Variants in IMMT observed in about 807,000 individuals in gnomAD.
The protein encoded by IMMT is inner membrane mitochondrial protein, also known as MICOS complex subunit MIC60.
Under a neutral mutation model 92.7 loss-of-function variants are expected in IMMT, and 40 were observed. That is an observed-to-expected ratio of 0.43 (90% confidence interval 0.34 to 0.56). IMMT has a LOEUF of 0.56. Among genes scored for constraint, IMMT ranks in the 20% least tolerant of loss-of-function variants. IMMT has a pLI of 0.03. For missense variants in IMMT, 831 were observed against 912.1 expected, an observed-to-expected ratio of 0.91 and a Z score of 1.14; for synonymous variants, 322 against 336.1, an observed-to-expected ratio of 0.96 and a Z score of 0.46.
At chr2:86,178,332 G>GA (rs58752645) in intron 3 of IMMT, among the ~76,000 whole-genome samples, 12,203 of 87,700 alleles carry the variant, frequency 0.14, 952 homozygotes, top group African/African-American at 0.28. Flanking sequence ...AAAAAAAAAA[G>GA]AAAAAAAAAA....
At chr2:86,174,657 G>C (rs963618836) in intron 3 of IMMT, among the ~76,000 whole-genome samples, 3 of 152,004 alleles carry the variant, frequency 2.0e-5, no homozygotes, top group Non-Finnish European at 4.4e-5. Flanking sequence ...AAAAGCTCTC[G>C]TATATACACA....
chr2:86,151,378 T>G lies in IMMT; in HGVS notation c.1320A>C (p.Glu440Asp). Residue 440 changes from glutamate to aspartate, a missense_variant, in exon 12 of 15, where the codon GAA (glutamate) becomes GAC (aspartate). Transcript: ENST00000410111. ...ITLALEKQKL[E>D]EKRAFDSAVA... Reference sequence around the variant, plus strand: ...CTGCAGAGTCAAATGCCCGCTTTTCTTCCAGCTTTTGTTTCTCCAAGGCTA... The same window carrying G: ...CTGCAGAGTCAAATGCCCGCTTTTCGTCCAGCTTTTGTTTCTCCAAGGCTA... 6.2e-7 allele frequency: 1 copy of G among 1,614,060 alleles called. No homozygotes were observed.
At chr2:86,157,932 G>C (rs981385050) in intron 10 of IMMT, among the ~76,000 whole-genome samples, 1 of 151,706 alleles carries the variant, frequency 6.6e-6, no homozygotes, top group South Asian at 2.1e-4. Flanking sequence ...TCCAGCCTGG[G>C]CAACGACAAA....
chr2:86,170,871 A>G (rs750856767), intron 5 of IMMT, 27 bp from the exon 6 acceptor site: 1 of 1,505,772 alleles, frequency 6.6e-7, no homozygotes, highest in South Asian at 1.2e-5. Flanking sequence ...ATAAGAGGAA[A>G]TCAAATTTCA....
At chr2:86,146,411 G>A (rs190140268) in intron 13 of IMMT, among the ~76,000 whole-genome samples, 1 of 142,400 alleles carries the variant, frequency 7.0e-6, no homozygotes, top group East Asian at 2.0e-4. Flanking sequence ...TTGCTTTATT[G>A]CCAGGTTGGA....
chr2:86,154,546 T>C (rs1326870325), intron 10 of IMMT, among the ~76,000 whole-genome samples: 1 of 152,092 alleles, frequency 6.6e-6, no homozygotes, highest in African/African-American at 2.4e-5. Flanking sequence ...AGTATTTTAC[T>C]AAATCACAGT....
At position 86,151,477 on chromosome 2, in the gene IMMT, A is replaced by T; in HGVS notation, c.1221T>A (p.His407Gln). Residue 407 changes from histidine to glutamine, a missense_variant, in exon 12 of 15, where the codon CAT (histidine) becomes CAA (glutamine). Physicochemically the swap from His to Gln is conservative, Grantham distance 24. Coordinates refer to ENST00000410111, the MANE Select transcript of IMMT (RefSeq NM_006839.3). Reference sequence around the variant, plus strand: ...TCAGCTGATCAATACGACGATGTGCATGAGCAATGAGGGAGTTCAGATCAT... The same window carrying T: ...TCAGCTGATCAATACGACGATGTGCTTGAGCAATGAGGGAGTTCAGATCAT... ...STDDLNSLIAHAHRRIDQLNR... is the reference protein window; with the variant it reads ...STDDLNSLIAQAHRRIDQLNR... 6.2e-7 allele frequency: 1 copy of T among 1,614,060 alleles called. No homozygotes were observed. The highest frequency in any genetic ancestry group is 8.5e-7 in the Non-Finnish European group (1 of 1,179,894).
At chr2:86,183,394 C>T (rs559006378) in intron 1 of IMMT, among the ~76,000 whole-genome samples, 9 of 152,236 alleles carry the variant, frequency 5.9e-5, no homozygotes, top group African/African-American at 1.2e-4. Flanking sequence ...TCTCCTGCCA[C>T]GGCCTCCCAA....
chr2:86,168,983 G>A (rs958937506), intron 6 of IMMT, among the ~76,000 whole-genome samples: 2 of 152,194 alleles, frequency 1.3e-5, no homozygotes, highest in African/African-American at 2.4e-5. Context: ...GGGCTGCTGG[G>A]AGGCACCTGC....
At chr2:86,171,484 A>C in intron 4 of IMMT, 139 bp from the exon 5 acceptor site, 1 of 754,398 alleles carries the variant, frequency 1.3e-6, no homozygotes, top group Non-Finnish European at 2.3e-6. Flanking sequence ...ACATGTTTGA[A>C]TAACACACAA....
In IMMT at chr2:86,164,689, CA is replaced by C. The variant is rs56964046; in HGVS notation, c.792+1818del. 1.2e-3 allele frequency among the ~76,000 whole-genome samples: 138 copies of C among 111,364 alleles called. 2 individuals are homozygous for C. Among genetic ancestry groups the C allele is most frequent in the Admixed American group, 3.0e-3 (31 of 10,464 alleles). The allele number at this position is 111,364 out of a possible 152,430, so 73.1% of individuals were successfully genotyped here. A position where few individuals can be genotyped will look rare whatever the true frequency, so the allele number is the denominator to read the frequency against. ...CTGGTGACAGAGCAAGACTCTGTCT[CA>C]AAAAAAAAAAAAAAGGAATGGATGC... On this transcript the variant is annotated intron_variant, in intron 7 of 14. Coordinates refer to ENST00000410111, the MANE Select transcript of IMMT (RefSeq NM_006839.3).
chr2:86,163,780 A>G (rs1489713333), intron 7 of IMMT, among the ~76,000 whole-genome samples: 3 of 151,658 alleles, frequency 2.0e-5, no homozygotes, highest in Non-Finnish European at 4.4e-5. Flanking sequence ...CAAGACCAGC[A>G]TGGCCAATAT....
In IMMT at chr2:86,166,908, A is replaced by C. The variant is rs572988037; in HGVS notation, c.656-264T>G. On this transcript the variant is annotated intron_variant, in intron 6 of 14. Transcript: ENST00000410111. ...AGGTCAGGAGTTTGAGACCAACCTG[A>C]CCAATGTGGTGAAACCCCGTCTCTA... is the stretch of plus-strand genomic sequence containing the variant. 3.0e-4 allele frequency among the ~76,000 whole-genome samples: 45 copies of C among 151,650 alleles called. No homozygotes were observed. In the East Asian group the frequency reaches 8.5e-3, roughly 29 times the overall value.
Position 86,195,340 on chromosome 2 carries a change from G to A in IMMT, c.43C>T (p.Gln15Ter), listed in dbSNP as rs1368411516. 1 of 1,549,198 alleles carries A rather than the reference G, an allele frequency of 6.5e-7. No homozygotes were observed. Among genetic ancestry groups the A allele is most frequent in the South Asian group, 1.2e-5 (1 of 83,682 alleles). The change falls in exon 1 of 15, where the codon CAG becomes TAG. Residue 15 changes from glutamine (Q) to a stop codon, truncating the protein, a stop_gained and splice_region_variant. Transcript: ENST00000410111. LOFTEE classifies it high-confidence loss of function. ...CCTCCGGGAGCCCCAGTGCTCACCT[G>A]GGCGGCGGCGGTCACACCCGATAAC... ...CQLSGVTAAA[Q>*]SCLCGKFVLR...
In IMMT at chr2:86,161,966, G is replaced by A. The variant is rs750700512; in HGVS notation, c.896+10C>T. 2.6e-6 allele frequency: 4 copies of A among 1,557,228 alleles called. No homozygotes were observed. In the Admixed American group the frequency reaches 7.2e-5, roughly 28 times the overall value. On this transcript the variant is annotated intron_variant, in intron 8 of 14. Transcript: ENST00000410111. ...GCCCTAATTACTTGTTAAAGTCCAT[G>A]AGTAATTACTTGGCTTTGAGAAGGG...
chr2:86,160,801 C>T (rs1676213882), intron 8 of IMMT, among the ~76,000 whole-genome samples: 1 of 152,236 alleles, frequency 6.6e-6, no homozygotes, highest in South Asian at 2.1e-4. Flanking sequence ...TTAAGGCAGA[C>T]AGATTGTGAC....
Position 86,147,293 on chromosome 2 carries a change from T to TA in IMMT, c.1533+408dup, listed in dbSNP as rs534138072. On this transcript the variant is annotated intron_variant, in intron 13 of 14. Coordinates refer to ENST00000410111, the MANE Select transcript of IMMT (RefSeq NM_006839.3). ...CTTGCAAGACAAAGTAACAAGTTAA[T>TA]ATTACTGTAAATGATTTCTTGAATA... Among the ~76,000 whole-genome samples the TA allele has an allele frequency of 7.2e-3, 1,097 of 152,304 alleles. 11 individuals carry two copies. Among genetic ancestry groups the TA allele is most frequent in the Non-Finnish European group, 0.013 (873 of 68,032 alleles).
intron 7 of IMMT, among the ~76,000 whole-genome samples, chr2:86,164,779 C>G (rs1355839082): frequency 6.6e-6 from 1 of 151,542 alleles, no homozygotes; most frequent in Non-Finnish European, 1.5e-5. Context: ...AATGACATAT[C>G]TGGGGGCCAA....
chr2:86,154,862 T>G (rs1675736542), intron 10 of IMMT, among the ~76,000 whole-genome samples: 1 of 152,020 alleles, frequency 6.6e-6, no homozygotes, highest in African/African-American at 2.4e-5. Context: ...AACATCCTGG[T>G]ATGAACGTCC....
Sources: gnomAD v4.1 joint callset for allele counts (sites outside exome capture counted in the v4.1 genomes callset) on GRCh38, gnomAD v4.1.1 for gene constraint, MANE v1.5 for transcripts, NCBI Gene and HGNC (gene_info 2026-07-23, HGNC 2026-07-21) for gene names.